CCDC186: variants seen among roughly 807,000 people sequenced by gnomAD.
CCDC186 encodes coiled-coil domain containing 186.
CCDC186 carries 49 observed loss-of-function variants against 113.7 expected under a neutral mutation model. The observed-to-expected ratio is 0.43, with a 90% confidence interval of 0.34 to 0.55. The LOEUF (loss-of-function observed/expected upper bound fraction) is 0.55, where lower values mean the gene tolerates loss of function less well. Ranked by LOEUF, CCDC186 falls within the 20% of genes least tolerant of loss-of-function variation. CCDC186 has a pLI of 0.02. For missense variants in CCDC186, 890 were observed against 1,011.1 expected (o/e 0.88, Z 1.62); for synonymous variants, 355 against 345.8 (o/e 1.03, Z -0.30).
chr10:114,154,024 A>C (rs1204356078), intron 3 of CCDC186, among the ~76,000 whole-genome samples: 1 of 152,004 alleles, frequency 6.6e-6, no homozygotes, highest in African/African-American at 2.4e-5. Context: ...AGCCTGGGAA[A>C]CATAGTGAAA....
intron 1 of CCDC186, among the ~76,000 whole-genome samples, chr10:114,171,313 A>C (rs1486467206): frequency 1.3e-5 from 2 of 152,012 alleles, no homozygotes; most frequent in African/African-American, 4.8e-5. Flanking sequence ...AGATGGGAGG[A>C]TCAAATGAGG....
Position 114,135,068 on chromosome 10 carries a change from C to T in CCDC186, c.1513-13G>A, listed in dbSNP as rs762983698. ...CTAGACATTTCACCTATCAAATGAT[C>T]ACAACCAAGTTACAAACCATGTATT... On this transcript the variant is annotated splice_polypyrimidine_tract_variant and intron_variant, in intron 9 of 15. Transcript: ENST00000369287. The T allele has an allele frequency of 1.3e-6, 2 of 1,597,668 alleles. No homozygotes were observed. Among genetic ancestry groups the T allele is most frequent in the Non-Finnish European group, 1.7e-6 (2 of 1,175,364 alleles).
At chr10:114,153,774 G>A (rs1282957731) in intron 3 of CCDC186, among the ~76,000 whole-genome samples, 6 of 122,268 alleles carry the variant, frequency 4.9e-5, no homozygotes, top group African/African-American at 9.3e-5. Flanking sequence ...TGACAAGAGC[G>A]AAATGACGTC....
At chr10:114,170,514 A>T (rs961249107) in intron 1 of CCDC186, among the ~76,000 whole-genome samples, 2 of 152,094 alleles carry the variant, frequency 1.3e-5, no homozygotes, top group Non-Finnish European at 2.9e-5. Context: ...GTAGAGATGG[A>T]GTCTTGCTAT....
rs77011996 is a variant in CCDC186, at chr10:114,147,735, G to T, written c.889-1974C>A. Among the ~76,000 whole-genome samples the T allele has an allele frequency of 1.3e-4, 20 of 152,284 alleles. No individual in the cohort carries two copies. In the East Asian group the frequency reaches 3.3e-3, roughly 25 times the overall value. On this transcript the variant is annotated intron_variant, in intron 4 of 15. Coordinates refer to ENST00000369287, the MANE Select transcript of CCDC186 (RefSeq NM_018017.4). ...AGCTCTTATTAAAATGTGTGTTTTAGTAAGATAACTGGTAGCAGCATGGGA... is the reference window on the plus strand; with the variant it reads ...AGCTCTTATTAAAATGTGTGTTTTATTAAGATAACTGGTAGCAGCATGGGA...
At chr10:114,164,190 G>A (rs970032423) in intron 1 of CCDC186, among the ~76,000 whole-genome samples, 8 of 136,476 alleles carry the variant, frequency 5.9e-5, no homozygotes, top group Admixed American at 7.9e-5. Flanking sequence ...GTGAGATCTC[G>A]GCTCACTGCT....
intron 1 of CCDC186, among the ~76,000 whole-genome samples, chr10:114,164,067 T>TGA (rs2032256436): frequency 2.0e-5 from 2 of 100,148 alleles, no homozygotes; most frequent in African/African-American, 4.6e-5. Context: ...CAAGTTAGAG[T>TGA]GTGTGTGTGT....
At chr10:114,144,722 C>G (rs1426135134) in intron 5 of CCDC186, 106 bp from the exon 6 acceptor site, 1 of 987,898 alleles carries the variant, frequency 1.0e-6, no homozygotes, top group Non-Finnish European at 1.4e-6. Flanking sequence ...TAATCAAGGG[C>G]TGGCACACTA....
chr10:114,124,871 C>T lies in CCDC186; in HGVS notation c.*272G>A, dbSNP rs1448710740. 3 of 317,774 alleles carry T rather than the reference C, an allele frequency of 9.4e-6. No homozygotes were observed. Among genetic ancestry groups the T allele is most frequent in the African/African-American group, 6.4e-5 (3 of 46,770 alleles). The allele number at this position is 317,774 out of a possible 1,614,324, so 19.7% of individuals were successfully genotyped here. A position where few individuals can be genotyped will look rare whatever the true frequency, so the allele number is the denominator to read the frequency against. ...ATAAAAGCCCTTGTAATGTTCAACA[C>T]TTCTTATGAATACAAGCAAATTAAG... On this transcript the variant is annotated 3_prime_UTR_variant, in exon 16 of 16. Transcript: ENST00000369287.
chr10:114,168,670 GC>G (rs1477870655), intron 1 of CCDC186, among the ~76,000 whole-genome samples: 1 of 151,880 alleles, frequency 6.6e-6, no homozygotes, highest in African/African-American at 2.4e-5. Flanking sequence ...CCATTCCCTA[GC>G]CCCCTGCCCA....
chr10:114,163,996 C>A (rs1192388540), intron 1 of CCDC186, among the ~76,000 whole-genome samples: 1 of 143,826 alleles, frequency 7.0e-6, no homozygotes, highest in Non-Finnish European at 1.5e-5. Flanking sequence ...ATGTCCAGTA[C>A]AAATAAAATG....
At chr10:114,159,666 A>C (rs528835628) in intron 2 of CCDC186, among the ~76,000 whole-genome samples, 23 of 145,660 alleles carry the variant, frequency 1.6e-4, no homozygotes, top group African/African-American at 5.6e-4. Context: ...AAAAAAAAAG[A>C]ATTTTAGGCT....
chr10:114,150,252 A>G (rs2031805245), intron 4 of CCDC186, among the ~76,000 whole-genome samples: 1 of 152,232 alleles, frequency 6.6e-6, no homozygotes, highest in Non-Finnish European at 1.5e-5. Context: ...GGATACAGAA[A>G]TGAAGATGAC....
chr10:114,130,866 G>A (rs1196575307), intron 12 of CCDC186, among the ~76,000 whole-genome samples: 1 of 151,882 alleles, frequency 6.6e-6, no homozygotes, highest in Non-Finnish European at 1.5e-5. Flanking sequence ...ACTTTTTATT[G>A]ACAGGAGTAT....
rs1157248156 is a variant in CCDC186 at position 114,136,185 on chromosome 10, A to C, written c.1388T>G (p.Leu463Arg). ...DAKLRVTKGE[L>R]EKQMQEKSDQ... ...AGATTTTTCTTGCATTTGTTTTTCA[A>C]GTTCTCCTTTTGTGACTCTAAGCTT... Residue 463 changes from leucine (L) to arginine (R), a missense_variant, in exon 8 of 16, where the codon CTT becomes CGT. By Grantham distance (102) the Leu-to-Arg change is moderately radical. Transcript: ENST00000369287. The C allele has an allele frequency of 1.9e-6, 3 of 1,613,068 alleles. No individual in the cohort carries two copies. Among genetic ancestry groups the C allele is most frequent in the Non-Finnish European group, 2.5e-6 (3 of 1,179,868 alleles).
intron 15 of CCDC186, 54 bp from the exon 16 acceptor site, chr10:114,125,280 T>C: frequency 1.5e-6 from 2 of 1,327,682 alleles, no homozygotes; most frequent in South Asian, 2.5e-5. Context: ...GTATAATAAA[T>C]AAAACAATTC....
At chr10:114,150,203 G>GA (rs993449730) in intron 4 of CCDC186, among the ~76,000 whole-genome samples, 2 of 152,150 alleles carry the variant, frequency 1.3e-5, no homozygotes, top group Admixed American at 1.3e-4. Flanking sequence ...AATTCATTGT[G>GA]AAGACTAATT....
intron 1 of CCDC186, among the ~76,000 whole-genome samples, chr10:114,163,611 C>G (rs920226345): frequency 6.6e-6 from 1 of 152,068 alleles, no homozygotes; most frequent in African/African-American, 2.4e-5. Context: ...TCCAATCATC[C>G]CCATAAGATG....
intron 7 of CCDC186, among the ~76,000 whole-genome samples, chr10:114,136,528 T>G (rs185934336): frequency 1.9e-4 from 29 of 152,344 alleles, no homozygotes; most frequent in Non-Finnish European, 4.1e-4. Context: ...GGTTAAAGTT[T>G]TATACTTTGA....
Sources: gnomAD v4.1 joint callset for allele counts (sites outside exome capture counted in the v4.1 genomes callset) on GRCh38, gnomAD v4.1.1 for gene constraint, MANE v1.5 for transcripts, NCBI Gene and HGNC (gene_info 2026-07-23, HGNC 2026-07-21) for gene names.